PCDH7: variants seen among roughly 807,000 people sequenced by gnomAD.
PCDH7 encodes protocadherin 7, also known as protocadherin-7.
Under a neutral mutation model 58.9 loss-of-function variants are expected in PCDH7, and 17 were observed. The observed-to-expected ratio is 0.29, with a 90% CI of 0.20 to 0.43. The LOEUF is 0.43. Ranked by LOEUF, PCDH7 falls within the 20% of genes least tolerant of loss-of-function variation. PCDH7 has a pLI of 1.00. For missense variants in PCDH7, 1,274 were observed against 1,441.0 expected (o/e 0.88, Z 1.88); for synonymous variants, 664 against 616.4 (o/e 1.08, Z -1.14).
intron 2 of PCDH7, among the ~76,000 whole-genome samples, chr4:30,945,609 CTATT>C (rs1219979111): frequency 2.6e-5 from 4 of 151,762 alleles, no homozygotes; most frequent in East Asian, 3.9e-4. Context: ...CAAGTATTCT[CTATT>C]TATTTTTTTT....
At chr4:31,082,557 A>G (rs1711632535) in intron 3 of PCDH7, among the ~76,000 whole-genome samples, 1 of 152,238 alleles carries the variant, frequency 6.6e-6, no homozygotes, top group African/African-American at 2.4e-5. Context: ...TTAAAAAGCA[A>G]GAAAGTCACA....
At chr4:31,054,621 G>A (rs183796210) in intron 3 of PCDH7, among the ~76,000 whole-genome samples, 3 of 152,212 alleles carry the variant, frequency 2.0e-5, no homozygotes, top group Admixed American at 2.0e-4. Flanking sequence ...AAGAAGATGA[G>A]AAAGTAACTG....
chr4:30,779,911 GTC>G lies in PCDH7; in HGVS notation c.70+55319_70+55320del, dbSNP rs1324841998. On this transcript the variant is annotated intron_variant, in intron 1 of 3. Coordinates refer to the PCDH7 transcript ENST00000509759. Reference sequence around the variant, plus strand: ...CACTTCATCTTCTCATTAGCATCTAGTCTCTGTTTCTCTCAGGCAGCCTTGGC... The same window carrying G: ...CACTTCATCTTCTCATTAGCATCTAGTCTGTTTCTCTCAGGCAGCCTTGGC... Among the ~76,000 whole-genome samples the G allele has an allele frequency of 2.0e-5, 3 of 152,226 alleles. No individual in the cohort carries two copies. The East Asian group carries it at 5.8e-4, about 29-fold the overall frequency.
intron 1 of PCDH7, among the ~76,000 whole-genome samples, chr4:30,740,287 A>G (rs749882902): frequency 6.6e-6 from 1 of 152,144 alleles, no homozygotes; most frequent in Non-Finnish European, 1.5e-5. Context: ...CAACCTTGCT[A>G]TTTTAGTATC....
rs1297418952 is a variant in PCDH7, at chr4:30,722,157, G to A, written c.735G>A (p.Glu245=). 6.6e-7 allele frequency: 1 copy of A among 1,515,038 alleles called. No individual in the cohort carries two copies. Among genetic ancestry groups the A allele is most frequent in the African/African-American group, 1.4e-5 (1 of 71,190 alleles). The allele number at this position is 1,515,038 out of a possible 1,614,324, so 93.8% of individuals were successfully genotyped here. Residue 245 remains glutamate (E), a synonymous_variant, in exon 1 of 2, where the codon GAG becomes GAA. Coordinates refer to ENST00000361762, the Ensembl canonical transcript of PCDH7. The surrounding 1 kb of genome is among the most constrained non-coding windows in gnomAD (Gnocchi z 7.6). Reference sequence around the variant, plus strand: ...CCGGCGGCCGCAGCAGCGTGTTCGAGCTGCAGGTGGCGGACACCCCGGACG... The same window carrying A: ...CCGGCGGCCGCAGCAGCGTGTTCGAACTGCAGGTGGCGGACACCCCGGACG...
At chr4:30,949,799 T>G (rs1747154032) in intron 2 of PCDH7, among the ~76,000 whole-genome samples, 1 of 152,040 alleles carries the variant, frequency 6.6e-6, no homozygotes, top group South Asian at 2.1e-4. Flanking sequence ...ATAGTTTTTT[T>G]CTGTTGTAAA....
intron 3 of PCDH7, among the ~76,000 whole-genome samples, chr4:30,964,008 A>G (rs1748736900): frequency 6.6e-6 from 1 of 152,172 alleles, no homozygotes; most frequent in Non-Finnish European, 1.5e-5. Context: ...CCTTTGATGT[A>G]TCTTCAGGAA....
intron 3 of PCDH7, among the ~76,000 whole-genome samples, chr4:31,138,248 T>C (rs573237363): frequency 6.6e-6 from 1 of 152,268 alleles, no homozygotes; most frequent in East Asian, 1.9e-4. Flanking sequence ...AAAACAAAAA[T>C]ACTATGTTTT....
chr4:31,040,758 AT>A, intron 3 of PCDH7, among the ~76,000 whole-genome samples: 1 of 152,120 alleles, frequency 6.6e-6, no homozygotes, highest in Non-Finnish European at 1.5e-5. Flanking sequence ...AAAAAAGACT[AT>A]TTTTTAAGAC....
Position 30,722,010 on chromosome 4 carries a change from G to T in PCDH7, c.588G>T (p.Arg196=). The change falls in exon 1 of 2, where the codon CGG becomes CGT. Residue 196 remains arginine, a synonymous_variant. Transcript: ENST00000361762. The surrounding 1 kb of genome is among the most constrained non-coding windows in gnomAD (Gnocchi z 7.6). Reference sequence around the variant, plus strand: ...GCGGCGGCAGCGGCGGCGAGAGCCGGCGCGCCGGGGCGGCCGACAGCGCCC... The same window carrying T: ...GCGGCGGCAGCGGCGGCGAGAGCCGTCGCGCCGGGGCGGCCGACAGCGCCC... 1.6e-6 allele frequency: 2 copies of T among 1,264,154 alleles called. No homozygotes were observed. Among genetic ancestry groups the T allele is most frequent in the Non-Finnish European group, 2.0e-6 (2 of 1,007,890 alleles). 78.3% of individuals were successfully genotyped at this position (1,264,154 alleles called of 1,614,324 possible).
chr4:31,058,144 A>C (rs1757405756), intron 3 of PCDH7, among the ~76,000 whole-genome samples: 1 of 152,030 alleles, frequency 6.6e-6, no homozygotes, highest in Admixed American at 6.6e-5. Flanking sequence ...CAACCAAAAA[A>C]ATTAAAATTA....
intron 1 of PCDH7, among the ~76,000 whole-genome samples, chr4:30,804,988 C>A (rs1254424265): frequency 6.6e-6 from 1 of 152,172 alleles, no homozygotes; most frequent in Non-Finnish European, 1.5e-5. Flanking sequence ...TTATTAAGGG[C>A]ACAAGGTCTC....
At chr4:30,981,089 G>A (rs1578479996) in intron 3 of PCDH7, among the ~76,000 whole-genome samples, 2 of 152,274 alleles carry the variant, frequency 1.3e-5, no homozygotes, top group Non-Finnish European at 1.5e-5. Context: ...TGATCCACCC[G>A]CCTTGGCCTC....
intron 1 of PCDH7, among the ~76,000 whole-genome samples, chr4:30,798,116 C>T (rs989479585): frequency 3.3e-5 from 5 of 152,112 alleles, no homozygotes; most frequent in African/African-American, 9.7e-5. Context: ...AGTTGGTGTC[C>T]AGGCAGCATC....
chr4:30,721,525 C>T lies in PCDH7; in HGVS notation c.103C>T (p.Arg35Trp). ...CCTGGCGGCCGCCAAGCAGCTCCTCCGGTACCGGCTGGCCGAGGAGGGCCC... is the reference window on the plus strand; with the variant it reads ...CCTGGCGGCCGCCAAGCAGCTCCTCTGGTACCGGCTGGCCGAGGAGGGCCC... The change falls in exon 1 of 2, where the codon CGG becomes TGG. Residue 35 changes from arginine to tryptophan, a missense_variant. Physicochemically the swap from Arg to Trp is moderately radical, Grantham distance 101 (BLOSUM62 -3). Transcript: ENST00000361762. This position sits in a 1 kb window ranked among gnomAD's most constrained non-coding sequence, Gnocchi z 6.7. 1.2e-6 allele frequency: 2 copies of T among 1,601,676 alleles called. No homozygotes were observed. Among genetic ancestry groups the T allele is most frequent in the Middle Eastern group, 1.7e-4 (1 of 6,056 alleles).
chr4:31,135,045 T>A (rs566401473), intron 3 of PCDH7, among the ~76,000 whole-genome samples: 2 of 152,272 alleles, frequency 1.3e-5, no homozygotes, highest in African/African-American at 4.8e-5. Context: ...TGTCCATGCA[T>A]CATGAAATCT....
intron 2 of PCDH7, among the ~76,000 whole-genome samples, chr4:30,938,335 C>G (rs928587680): frequency 6.6e-6 from 1 of 152,226 alleles, no homozygotes. Flanking sequence ...ACGTGATATG[C>G]ATTTCTAAAC....
At chr4:30,784,924 A>G (rs1319003457) in intron 1 of PCDH7, among the ~76,000 whole-genome samples, 2 of 152,060 alleles carry the variant, frequency 1.3e-5, no homozygotes, top group Non-Finnish European at 2.9e-5. Context: ...AAATATTAAA[A>G]TTACATATGT....
chr4:30,772,839 T>C (rs956911998), intron 1 of PCDH7, among the ~76,000 whole-genome samples: 2 of 152,240 alleles, frequency 1.3e-5, no homozygotes, highest in African/African-American at 4.8e-5. Context: ...ACATGTATTA[T>C]CTTGTTAATC....
Sources: gnomAD v4.1 joint callset for allele counts (sites outside exome capture counted in the v4.1 genomes callset) on GRCh38, gnomAD v4.1.1 for gene constraint, Gnocchi (gnomAD v3.1) non-coding constraint, MANE v1.5 for transcripts, NCBI Gene and HGNC (gene_info 2026-07-23, HGNC 2026-07-21) for gene names.